The following MTRF1 variants were observed in gnomAD, a reference collection of about 807,000 sequenced individuals.
The protein encoded by MTRF1 is peptide chain release factor 1, mitochondrial.
MTRF1 carries 51 observed loss-of-function variants against 62.9 expected under a neutral mutation model. The ratio of observed to expected loss-of-function variants is 0.81; its 90% CI spans 0.65 to 1.02. The LOEUF is 1.02. Among genes scored for constraint, MTRF1 ranks in the 50% least tolerant of loss-of-function variants. The pLI is 0.00. For missense variants in MTRF1, 446 were observed against 530.0 expected, an observed-to-expected ratio of 0.84 and a Z score of 1.56; for synonymous variants, 158 against 181.9, an observed-to-expected ratio of 0.87 and a Z score of 1.06.
chr13:41,233,352 A>G (rs1478920073), intron 7 of MTRF1, among the ~76,000 whole-genome samples: 2 of 152,212 alleles, frequency 1.3e-5, no homozygotes, highest in Non-Finnish European at 2.9e-5. Flanking sequence ...GGACTTTGCC[A>G]TTAGACTTTT....
chr13:41,291,723 C>A, the MTRF1 span, among the ~76,000 whole-genome samples: 9 of 152,082 alleles, frequency 5.9e-5, no homozygotes, highest in Admixed American at 5.9e-4. Flanking sequence ...GCAAACAGAA[C>A]AGCTACAGAA....
the MTRF1 span, among the ~76,000 whole-genome samples, chr13:41,283,351 C>A: frequency 6.6e-6 from 1 of 152,302 alleles, no homozygotes; most frequent in Non-Finnish European, 1.5e-5. Flanking sequence ...GTTTCAAGAT[C>A]ATTTGTGTCC....
chr13:41,265,481 T>G (rs1293087871), upstream of MTRF1, among the ~76,000 whole-genome samples: 2 of 152,092 alleles, frequency 1.3e-5, no homozygotes, highest in African/African-American at 4.8e-5. Flanking sequence ...CATAATCATG[T>G]GCATATTACT....
upstream of MTRF1, among the ~76,000 whole-genome samples, chr13:41,266,578 C>A (rs2040841744): frequency 6.6e-6 from 1 of 152,180 alleles, no homozygotes; most frequent in African/African-American, 2.4e-5. Flanking sequence ...CACCTCACCC[C>A]AGCCTGGGTG....
intron 9 of MTRF1, among the ~76,000 whole-genome samples, chr13:41,217,992 T>C (rs2032251290): frequency 1.3e-5 from 2 of 152,208 alleles, no homozygotes; most frequent in Non-Finnish European, 2.9e-5. Context: ...CAATTTGCTT[T>C]CAAATGGTTC....
At chr13:41,269,185 G>GTTTTTTTTTTTTGGTTTTTTTTTTTT in the MTRF1 span, among the ~76,000 whole-genome samples, 1 of 96,464 alleles carries the variant, frequency 1.0e-5, no homozygotes, top group Non-Finnish European at 1.9e-5. Flanking sequence ...CTTTTACCTT[G>GTTTTTTTTTTTTGGTTTTTTTTTTTT]TTTTTTTTTT....
Position 41,247,032 on chromosome 13 carries a change from T to C in MTRF1, c.697+5613A>G, listed in dbSNP as rs181870388. 4.6e-5 allele frequency among the ~76,000 whole-genome samples: 7 copies of C among 152,346 alleles called. No homozygotes were observed. In the East Asian group the frequency reaches 1.3e-3, roughly 29 times the overall value. ...GGAGAAACATTCACACTGAAGAGTA[T>C]ATGAGTAGTGCCTCAAGGCATATGC... On this transcript the variant is annotated intron_variant, in intron 5 of 9. Transcript: ENST00000379480.
At chr13:41,272,439 T>C in the MTRF1 span, among the ~76,000 whole-genome samples, 1 of 152,190 alleles carries the variant, frequency 6.6e-6, no homozygotes, top group African/African-American at 2.4e-5. Flanking sequence ...TTTGCAGCTG[T>C]GAGGAATTTT....
chr13:41,225,125 T>A (rs988533128), intron 8 of MTRF1, among the ~76,000 whole-genome samples: 2 of 149,498 alleles, frequency 1.3e-5, no homozygotes, highest in African/African-American at 2.5e-5. Flanking sequence ...GGCACAAGAA[T>A]CGCTTGAACC....
Position 41,260,740 on chromosome 13 carries a change from A to G in MTRF1, c.168T>C (p.Asn56=), listed in dbSNP as rs774925641. The change falls in exon 2 of 10, where the codon AAT becomes AAC. Residue 56 remains asparagine, a synonymous_variant. Coordinates refer to ENST00000379480, the MANE Select transcript of MTRF1 (RefSeq NM_004294.4). ...RNCILHLLSK[N]WSRRYCHQDT... ...CTTGATGGCAATATCTCCTGGACCA[A>G]TTCTTACTTAACAGATGAAGAATGC... is the stretch of plus-strand genomic sequence containing the variant. 3.1e-6 allele frequency: 5 copies of G among 1,614,180 alleles called. No homozygotes were observed. In the South Asian group the frequency reaches 4.4e-5, roughly 14 times the overall value.
intron 5 of MTRF1, among the ~76,000 whole-genome samples, chr13:41,242,007 C>T (rs2037569456): frequency 6.6e-6 from 1 of 152,158 alleles, no homozygotes. Context: ...AGTTAAAATA[C>T]ACTAATAAAG....
the MTRF1 span, among the ~76,000 whole-genome samples, chr13:41,281,259 G>A: frequency 6.6e-6 from 1 of 152,142 alleles, no homozygotes; most frequent in Non-Finnish European, 1.5e-5. Flanking sequence ...AGATTTTCCC[G>A]CTCACTGTTA....
chr13:41,267,039 T>G (rs2040848745), upstream of MTRF1, among the ~76,000 whole-genome samples: 1 of 152,220 alleles, frequency 6.6e-6, no homozygotes, highest in South Asian at 2.1e-4. Flanking sequence ...GTGTCAGATT[T>G]TTTTTCTCTT....
the MTRF1 span, among the ~76,000 whole-genome samples, chr13:41,286,329 T>C: frequency 1.3e-5 from 2 of 152,288 alleles, no homozygotes; most frequent in South Asian, 4.1e-4. Context: ...GGAAGAAAGA[T>C]TCTAGCCAGA....
chr13:41,219,493 G>T (rs1163291503), intron 9 of MTRF1, among the ~76,000 whole-genome samples: 1 of 151,984 alleles, frequency 6.6e-6, no homozygotes, highest in Admixed American at 6.6e-5. Context: ...AACAGTCTAA[G>T]TAGAACAGCT....
chr13:41,241,498 G>A (rs1390992620), intron 5 of MTRF1, among the ~76,000 whole-genome samples: 1 of 152,104 alleles, frequency 6.6e-6, no homozygotes, highest in East Asian at 1.9e-4. Context: ...CCTCCCAAAT[G>A]CCATTTCCAG....
At chr13:41,274,635 G>T in the MTRF1 span, among the ~76,000 whole-genome samples, 6 of 151,174 alleles carry the variant, frequency 4.0e-5, no homozygotes, top group African/African-American at 1.5e-4. Flanking sequence ...CGATAACTTT[G>T]ACATGAAATA....
At chr13:41,254,986 T>C (rs955882148) in intron 2 of MTRF1, among the ~76,000 whole-genome samples, 1 of 152,124 alleles carries the variant, frequency 6.6e-6, no homozygotes, top group African/African-American at 2.4e-5. Flanking sequence ...ATTATATAAA[T>C]TGGTGATTAA....
At chr13:41,251,830 A>G (rs1036625995) in intron 5 of MTRF1, among the ~76,000 whole-genome samples, 16 of 152,196 alleles carry the variant, frequency 1.1e-4, no homozygotes, top group African/African-American at 3.9e-4. Flanking sequence ...CATGTTTTCA[A>G]TCAATATACT....
Sources: allele counts gnomAD v4.1 joint callset (sites outside exome capture counted in the v4.1 genomes callset), GRCh38; gene constraint gnomAD v4.1.1; transcripts MANE v1.5; gene names NCBI Gene and HGNC (gene_info 2026-07-23, HGNC 2026-07-21).